USP36: variants seen among roughly 807,000 people sequenced by gnomAD.
USP36 encodes ubiquitin carboxyl-terminal hydrolase 36.
A neutral mutation model predicts 111.5 loss-of-function variants in USP36; 59 were observed. That is an observed-to-expected ratio of 0.53 (90% CI 0.43 to 0.66). The LOEUF is 0.66. Among genes scored for constraint, USP36 ranks in the 30% least tolerant of loss-of-function variants. USP36 has a pLI of 0.00. For missense variants in USP36, 1,488 were observed against 1,468.0 expected, an observed-to-expected ratio of 1.01 and a Z score of -0.22; for synonymous variants, 628 against 581.0, an observed-to-expected ratio of 1.08 and a Z score of -1.16.
rs745500199 is a variant in USP36 at position 78,813,769 on chromosome 17, T to C, written c.1265+4A>G. The C allele has an allele frequency of 1.5e-5, 25 of 1,613,586 alleles. No individual in the cohort carries two copies. Among genetic ancestry groups the C allele is most frequent in the Non-Finnish European group, 1.9e-5 (23 of 1,179,720 alleles). ...CTCATCTGGGGAGGGCGTGAGTTTA[T>C]TACCGCAGATAGAACAGCACGTAGG... On this transcript the variant is annotated splice_donor_region_variant and intron_variant, in intron 12 of 20. Coordinates refer to ENST00000449938, the MANE Select transcript of USP36 (RefSeq NM_001385174.1).
rs2094104014 is a variant in USP36 at position 78,813,017 on chromosome 17, AAC to A, written c.1266-18_1266-17del. ...GCCTGGAATTCTGTCAAAGGAAGAA[AAC>A]AAGTAGGGAATTCTCTTACTAGGCA... On this transcript the variant is annotated splice_polypyrimidine_tract_variant and intron_variant, in intron 12 of 20. Transcript: ENST00000449938. The A allele has an allele frequency of 6.2e-7, 1 of 1,613,682 alleles. No homozygotes were observed. Among genetic ancestry groups the A allele is most frequent in the Non-Finnish European group, 8.5e-7 (1 of 1,179,850 alleles).
intron 13 of USP36, among the ~76,000 whole-genome samples, chr17:78,811,130 C>CAAAAAAAAA (rs969048033): frequency 7.1e-5 from 2 of 28,362 alleles, no homozygotes; most frequent in African/African-American, 1.3e-4. Context: ...GACTCTGTCT[C>CAAAAAAAAA]AAAAAAAAAA....
intron 10 of USP36, among the ~76,000 whole-genome samples, chr17:78,814,927 G>C (rs1404310778): frequency 1.3e-5 from 2 of 152,020 alleles, no homozygotes; most frequent in Non-Finnish European, 2.9e-5. Context: ...CTCAGCCTGG[G>C]CGACAGAGCG....
intron 9 of USP36, among the ~76,000 whole-genome samples, chr17:78,819,365 A>ACCT (rs1463701908): frequency 6.6e-6 from 1 of 152,234 alleles, no homozygotes. Flanking sequence ...TGAGTTCAGG[A>ACCT]GTTCGAGACC....
intron 15 of USP36, among the ~76,000 whole-genome samples, chr17:78,804,408 C>A (rs2093835933): frequency 6.7e-6 from 1 of 150,148 alleles, no homozygotes; most frequent in Non-Finnish European, 1.5e-5. Context: ...TTGCAGTGAG[C>A]CGAATCGCGC....
At position 78,813,848 on chromosome 17, in the gene USP36, A is replaced by C. The variant is rs1567938004; in HGVS notation, c.1190T>G (p.Met397Arg). The change falls in exon 12 of 21, where the codon ATG (methionine) becomes AGG (arginine). Residue 397 changes from methionine (M) to arginine (R), a missense_variant. Transcript: ENST00000449938. Reference sequence around the variant, plus strand: ...GCTGGAATGGACCAAGGAATCATTCATCTGGTACCACTGTCCATTGCTTGC... The same window carrying C: ...GCTGGAATGGACCAAGGAATCATTCCTCTGGTACCACTGTCCATTGCTTGC... Reference protein sequence around the residue: ...VKASNGQWYQMNDSLVHSSNV... With the variant: ...VKASNGQWYQRNDSLVHSSNV... The C allele has an allele frequency of 6.2e-7, 1 of 1,614,214 alleles. No homozygotes were observed. The highest frequency in any genetic ancestry group is 2.2e-5 in the East Asian group (1 of 44,884).
At chr17:78,822,356 C>G (rs2094349869) in intron 6 of USP36, among the ~76,000 whole-genome samples, 1 of 152,158 alleles carries the variant, frequency 6.6e-6, no homozygotes, top group Admixed American at 6.5e-5. Context: ...AGTAAGTACC[C>G]AAATCTAGAG....
chr17:78,798,946 C>T lies in USP36; in HGVS notation c.3202G>A (p.Val1068Met), dbSNP rs201438220. ...AACTCTTCGTCCCAGTCATCAACCA[C>T]GGTCTCAGTCCGGGCCTGTCTGCTG... ...EDSRQARTETVVDDWDEEFDR... is the reference protein window; with the variant it reads ...EDSRQARTETMVDDWDEEFDR... Residue 1068 changes from valine to methionine, a missense_variant, in exon 19 of 21, where the codon GTG (valine) becomes ATG (methionine). Physicochemically the swap from Val to Met is conservative, Grantham distance 21. Coordinates refer to ENST00000449938, the MANE Select transcript of USP36 (RefSeq NM_001385174.1). The surrounding 1 kb of genome is among the most constrained non-coding windows in gnomAD (Gnocchi z 5.1). 108 of 1,614,180 alleles carry T rather than the reference C, an allele frequency of 6.7e-5. No individual in the cohort carries two copies. The highest frequency in any genetic ancestry group is 4.7e-4 in the East Asian group (21 of 44,888).
intron 3 of USP36, among the ~76,000 whole-genome samples, chr17:78,788,458 C>G (rs892301119): frequency 6.6e-6 from 1 of 152,142 alleles, no homozygotes; most frequent in African/African-American, 2.4e-5. Flanking sequence ...CCACCGCACC[C>G]GGCCCTGGTT....
chr17:78,795,051 A>C (rs1443620820), downstream of USP36, among the ~76,000 whole-genome samples: 4 of 148,438 alleles, frequency 2.7e-5, no homozygotes, highest in East Asian at 7.9e-4. The surrounding 1 kb of genome is among the most constrained non-coding windows in gnomAD (Gnocchi z 4.5). Context: ...AGCCTCGCCC[A>C]TGTCGCCACT....
At chr17:78,806,901 C>G (rs1022825491) in intron 14 of USP36, 58 bp downstream of exon 14, 4 of 1,579,608 alleles carry the variant, frequency 2.5e-6, no homozygotes, top group Non-Finnish European at 3.4e-6. Flanking sequence ...AAACCACAAC[C>G]AAGCAACTCT....
At chr17:78,807,717 T>G in intron 13 of USP36, 81 bp from the exon 14 acceptor site, 3 of 1,377,580 alleles carry the variant, frequency 2.2e-6, no homozygotes, top group Non-Finnish European at 2.9e-6. Flanking sequence ...CCACAGTGAA[T>G]CTTAGTAGCA....
chr17:78,836,042 A>G (rs749093610), intron 3 of USP36, 69 bp downstream of exon 3: 5 of 1,571,722 alleles, frequency 3.2e-6, no homozygotes, highest in Non-Finnish European at 4.3e-6. Context: ...TAATTAGTCA[A>G]TATTTAAGTC....
rs1294478533 is a variant in USP36, at chr17:78,803,986, G to C, written c.2217-8C>G. ...GGAGCAGGTGACACAGCCCTGTGGG[G>C]ACAGCCAGGAAACAGGGAGAGGATG... On this transcript the variant is annotated splice_region_variant and splice_polypyrimidine_tract_variant and intron_variant, in intron 15 of 20. Transcript: ENST00000449938. This position sits in a 1 kb window ranked among gnomAD's most constrained non-coding sequence, Gnocchi z 4.6. 1 of 1,567,566 alleles carries C rather than the reference G, an allele frequency of 6.4e-7. No homozygotes were observed. Among genetic ancestry groups the C allele is most frequent in the Admixed American group, 1.7e-5 (1 of 57,334 alleles).
At chr17:78,811,234 A>G (rs1319315834) in intron 13 of USP36, among the ~76,000 whole-genome samples, 1 of 151,648 alleles carries the variant, frequency 6.6e-6, no homozygotes, top group Non-Finnish European at 1.5e-5. Context: ...GAATCCACTT[A>G]GTGAAACTGA....
chr17:78,829,553 C>G (rs1030354014), intron 4 of USP36, among the ~76,000 whole-genome samples: 150 of 152,276 alleles, frequency 9.9e-4, no homozygotes, highest in African/African-American at 3.3e-3. Context: ...CAAATCCTTT[C>G]CTATCTGAGG....
At chr17:78,818,067 A>C (rs1385066217) in intron 10 of USP36, among the ~76,000 whole-genome samples, 1 of 152,230 alleles carries the variant, frequency 6.6e-6, no homozygotes, top group East Asian at 1.9e-4. Flanking sequence ...CCCAGGTGAC[A>C]GAGTGAGACC....
intron 4 of USP36, among the ~76,000 whole-genome samples, chr17:78,830,391 T>C (rs1234254385): frequency 6.6e-6 from 1 of 152,254 alleles, no homozygotes; most frequent in Non-Finnish European, 1.5e-5. Flanking sequence ...AGACCACTGT[T>C]ATTTATGTAT....
Position 78,823,133 on chromosome 17 carries a change from G to A in USP36, c.690-1129C>T, listed in dbSNP as rs377467563. The A allele has an allele frequency of 2.5e-4, 101 of 398,710 alleles. 2 individuals are homozygous for A. The South Asian group carries it at 0.011, about 43-fold the overall frequency. 24.7% of individuals were successfully genotyped at this position (398,710 alleles called of 1,614,324 possible). A position where few individuals can be genotyped will look rare whatever the true frequency, so the allele number is the denominator to read the frequency against. On this transcript the variant is annotated intron_variant, in intron 6 of 20. Coordinates refer to ENST00000449938, the MANE Select transcript of USP36 (RefSeq NM_001385174.1). ...TTTACCATGGCACTTCCCAGACTCC[G>A]GGAGCTCTGAAATACTTGGGGGACC...
Sources: gnomAD v4.1 joint callset for allele counts (sites outside exome capture counted in the v4.1 genomes callset) on GRCh38, gnomAD v4.1.1 for gene constraint, Gnocchi (gnomAD v3.1) non-coding constraint, MANE v1.5 for transcripts, NCBI Gene and HGNC (gene_info 2026-07-23, HGNC 2026-07-21) for gene names.